Variants in MYO9A observed in about 807,000 individuals in gnomAD.
The protein encoded by MYO9A is unconventional myosin-IXa.
In MYO9A, 103 loss-of-function variants were observed where a neutral mutation model predicts 293.3. That is an observed-to-expected ratio of 0.35 (90% CI 0.30 to 0.41). MYO9A has a LOEUF of 0.41. MYO9A is among the 10% of genes least tolerant of loss of function. MYO9A has a pLI of 1.00. For missense variants in MYO9A, 2,685 were observed against 3,033.0 expected (o/e 0.89, Z 2.69); for synonymous variants, 1,001 against 1,035.7 (o/e 0.97, Z 0.64).
At chr15:71,905,875 T>G (rs552286141) in intron 19 of MYO9A, among the ~76,000 whole-genome samples, 1 of 152,098 alleles carries the variant, frequency 6.6e-6, no homozygotes, top group Admixed American at 6.5e-5. Context: ...GCTGTTATCT[T>G]TATTATTTAC....
Position 71,827,963 on chromosome 15 carries a change from C to G in MYO9A, c.7104G>C (p.Glu2368Asp). 4 of 1,613,886 alleles carry G rather than the reference C, an allele frequency of 2.5e-6. No individual in the cohort carries two copies. The highest frequency in any genetic ancestry group is 3.4e-6 in the Non-Finnish European group (4 of 1,179,838). Residue 2368 changes from glutamate to aspartate, a missense_variant, in exon 41 of 42, where the codon GAG becomes GAC. By Grantham distance (45) the Glu-to-Asp change is conservative (BLOSUM62 2). Transcript: ENST00000356056. ...EPRASDDETL[E>D]SEASIGTADS... is the part of the protein sequence containing the mutation. ...CAGCAGTCCCAATGGAGGCCTCAGA[C>G]TCAAGGGTTTCATCATCAGAGGCAC...
chr15:72,076,610 A>C (rs558235576), intron 1 of MYO9A, among the ~76,000 whole-genome samples: 1 of 152,320 alleles, frequency 6.6e-6, no homozygotes, highest in African/African-American at 2.4e-5. Flanking sequence ...ATCTCAATGA[A>C]TGTAGATATA....
intron 22 of MYO9A, among the ~76,000 whole-genome samples, chr15:71,901,830 C>G (rs1044598407): frequency 1.3e-5 from 2 of 151,998 alleles, no homozygotes; most frequent in Non-Finnish European, 2.9e-5. Flanking sequence ...ATTTTTCAAG[C>G]GTGTTGGGAT....
chr15:72,098,913 T>C (rs1238365794), intron 1 of MYO9A, among the ~76,000 whole-genome samples: 3 of 147,312 alleles, frequency 2.0e-5, no homozygotes, highest in Admixed American at 1.3e-4. Flanking sequence ...GAAAACAAAA[T>C]AGTAAAGGCC....
Position 71,898,988 on chromosome 15 carries a change from T to G in MYO9A, c.3515A>C (p.Glu1172Ala). ...TCCCTTAATATTCACCAATCCAACT[T>G]CTGGCTTTGTTTCTCTTAGCCTTTG... ...KEQRLRETKPEVGLVNIKGYG... is the reference protein window; with the variant it reads ...KEQRLRETKPAVGLVNIKGYG... The change falls in exon 25 of 42, where the codon GAA becomes GCA. Residue 1172 changes from glutamate to alanine, a missense_variant. Transcript: ENST00000356056. 1 of 1,613,014 alleles carries G rather than the reference T, an allele frequency of 6.2e-7. No homozygotes were observed. The highest frequency in any genetic ancestry group is 8.5e-7 in the Non-Finnish European group (1 of 1,179,332).
At chr15:72,079,148 A>T (rs1029033024) in intron 1 of MYO9A, among the ~76,000 whole-genome samples, 7 of 152,204 alleles carry the variant, frequency 4.6e-5, no homozygotes, top group Admixed American at 1.3e-4. Flanking sequence ...TGGCTCATCA[A>T]CTGTAACAAA....
chr15:72,048,744 T>A, intron 1 of MYO9A, among the ~76,000 whole-genome samples: 1 of 152,222 alleles, frequency 6.6e-6, no homozygotes, highest in African/African-American at 2.4e-5. Flanking sequence ...GCATGTTTAC[T>A]ATCGTGAAAA....
At chr15:71,873,438 A>G (rs2056585658) in intron 32 of MYO9A, among the ~76,000 whole-genome samples, 1 of 152,134 alleles carries the variant, frequency 6.6e-6, no homozygotes, top group Non-Finnish European at 1.5e-5. Flanking sequence ...TATGCCTACT[A>G]AACAAATTCT....
At chr15:71,872,225 T>G (rs1295333545) in intron 32 of MYO9A, among the ~76,000 whole-genome samples, 2 of 151,798 alleles carry the variant, frequency 1.3e-5, no homozygotes, top group African/African-American at 4.8e-5. Context: ...ATCAACTAAC[T>G]TAAAAAAAAT....
intron 40 of MYO9A, among the ~76,000 whole-genome samples, chr15:71,828,826 C>T (rs537011440): frequency 6.6e-6 from 1 of 152,328 alleles, no homozygotes; most frequent in African/African-American, 2.4e-5. Flanking sequence ...AAGCTACTTT[C>T]TCCAATGCAC....
At position 72,077,752 on chromosome 15, in the gene MYO9A, AATAT is replaced by A. The variant is rs60977581; in HGVS notation, c.-71-31122_-71-31119del. Among the ~76,000 whole-genome samples, 531 of 72,210 alleles carry A rather than the reference AATAT, an allele frequency of 7.4e-3. 5 individuals carry two copies. Among genetic ancestry groups the A allele is most frequent in the African/African-American group, 9.8e-3 (125 of 12,736 alleles). The allele number at this position is 72,210 out of a possible 152,430, so 47.4% of individuals were successfully genotyped here. A position where few individuals can be genotyped will look rare whatever the true frequency, so the allele number is the denominator to read the frequency against. On this transcript the variant is annotated intron_variant, in intron 1 of 41. Transcript: ENST00000356056. ...CTCAAAGAAAAAAAAAAAAAAAAAA[AATAT>A]ATATATATATATATATATATATATA...
intron 17 of MYO9A, 41 bp downstream of exon 17, chr15:71,935,300 C>CA (rs770354770): frequency 4.6e-6 from 7 of 1,519,508 alleles, no homozygotes; most frequent in Admixed American, 2.0e-5. Flanking sequence ...AGACAAAAAA[C>CA]AAAAAACAAA....
chr15:71,826,874 A>C lies in MYO9A; in HGVS notation c.7353T>G (p.Phe2451Leu). The C allele has an allele frequency of 6.2e-7, 1 of 1,614,132 alleles. No homozygotes were observed. The change falls in exon 42 of 42, where the codon TTT becomes TTG. Residue 2451 changes from phenylalanine (F) to leucine (L), a missense_variant. Phe to Leu is a conservative substitution (Grantham distance 22). This residue lies in a region of MYO9A where 350 missense variants were observed against 328.9 expected (regional missense o/e 1.06). Transcript: ENST00000356056. ...TASSHGTRKLFQIYSKSPFYR... is the reference protein window; with the variant it reads ...TASSHGTRKLLQIYSKSPFYR... Reference sequence around the variant, plus strand: ...AGAATGGAGATTTGGAATAAATCTGAAATAGTTTTCTGGTCCCATGAGATG... The same window carrying C: ...AGAATGGAGATTTGGAATAAATCTGCAATAGTTTTCTGGTCCCATGAGATG...
intron 4 of MYO9A, among the ~76,000 whole-genome samples, chr15:72,022,938 G>T (rs552384139): frequency 6.6e-6 from 1 of 152,176 alleles, no homozygotes; most frequent in East Asian, 1.9e-4. Context: ...AGTAGAAAAA[G>T]TATTAATTAA....
chr15:71,980,419 T>A (rs2076243910), intron 11 of MYO9A, among the ~76,000 whole-genome samples: 1 of 152,218 alleles, frequency 6.6e-6, no homozygotes, highest in African/African-American at 2.4e-5. Context: ...TTTCGGTGAA[T>A]GCCTACTAGT....
intron 2 of MYO9A, among the ~76,000 whole-genome samples, chr15:72,034,724 C>T (rs771230932): frequency 6.6e-6 from 1 of 152,262 alleles, no homozygotes; most frequent in African/African-American, 2.4e-5. Context: ...ATTTAAGTGT[C>T]AAATGCATTA....
intron 11 of MYO9A, among the ~76,000 whole-genome samples, chr15:71,987,323 C>T (rs1161541213): frequency 6.6e-6 from 1 of 152,194 alleles, no homozygotes; most frequent in African/African-American, 2.4e-5. Flanking sequence ...CTTTCCAGTT[C>T]ACTGCTCTTC....
intron 34 of MYO9A, among the ~76,000 whole-genome samples, chr15:71,859,346 GCTGGTGA>G (rs1424635680): frequency 2.6e-5 from 4 of 152,136 alleles, no homozygotes; most frequent in Admixed American, 2.0e-4. Flanking sequence ...AACCATCCAT[GCTGGTGA>G]ATTTTGCTAC....
chr15:72,047,774 CTTTTT>C (rs11397735), intron 1 of MYO9A, among the ~76,000 whole-genome samples: 1 of 74,390 alleles, frequency 1.3e-5, no homozygotes, highest in East Asian at 4.9e-4. Flanking sequence ...CAGTTACTTC[CTTTTT>C]TTTTTTTTTT....
Sources: gnomAD v4.1 joint callset for allele counts (sites outside exome capture counted in the v4.1 genomes callset) on GRCh38, gnomAD v4.1.1 for gene constraint, gnomAD v4.1.1 regional missense constraint, MANE v1.5 for transcripts, NCBI Gene and HGNC (gene_info 2026-07-23, HGNC 2026-07-21) for gene names.